SCAPER: variants seen among roughly 807,000 people sequenced by gnomAD.
SCAPER encodes the protein S-phase cyclin A associated protein in the ER, also known as S phase cyclin A-associated protein in the endoplasmic reticulum.
In SCAPER, 98 loss-of-function variants were observed where a neutral mutation model predicts 182.2. The observed-to-expected ratio is 0.54, with a 90% CI of 0.46 to 0.64. The LOEUF (loss-of-function observed/expected upper bound fraction) is 0.64, where lower values mean the gene tolerates loss of function less well. Among genes scored for constraint, SCAPER ranks in the 30% least tolerant of loss-of-function variants. The pLI is 0.00. For synonymous variants in SCAPER, 605 were observed against 564.6 expected, an observed-to-expected ratio of 1.07 and a Z score of -1.01; for missense variants, 1,432 against 1,690.0, an observed-to-expected ratio of 0.85 and a Z score of 2.68.
chr15:76,826,824 G>C, intron 5 of SCAPER, among the ~76,000 whole-genome samples: 1 of 152,136 alleles, frequency 6.6e-6, no homozygotes, highest in Non-Finnish European at 1.5e-5. Flanking sequence ...TGTGTTTCCA[G>C]TCCTTAGCTC....
chr15:76,409,253 A>C (rs2957559), intron 26 of SCAPER, among the ~76,000 whole-genome samples: 7,010 of 152,274 alleles, frequency 0.046, 349 homozygotes, highest in African/African-American at 0.13. Flanking sequence ...TATCTTTTGC[A>C]TTGTAACTGT....
chr15:76,903,195 C>T (rs2074895498), intron 1 of SCAPER, among the ~76,000 whole-genome samples: 1 of 152,112 alleles, frequency 6.6e-6, no homozygotes, highest in African/African-American at 2.4e-5. Context: ...TCTTAAAATA[C>T]CTATGAAGCA....
intron 22 of SCAPER, among the ~76,000 whole-genome samples, chr15:76,596,280 C>A (rs2049486017): frequency 9.8e-6 from 1 of 101,624 alleles, no homozygotes. Flanking sequence ...CTGAACAGAC[C>A]AATAAGAAGT....
chr15:76,679,247 T>C (rs76968909), intron 20 of SCAPER, among the ~76,000 whole-genome samples: 148 of 152,272 alleles, frequency 9.7e-4, no homozygotes, highest in African/African-American at 3.3e-3. Context: ...ATGACATCTT[T>C]TACCTATGTT....
intron 21 of SCAPER, among the ~76,000 whole-genome samples, chr15:76,622,385 A>G (rs1478237942): frequency 6.6e-6 from 1 of 152,138 alleles, no homozygotes; most frequent in East Asian, 1.9e-4. Context: ...ATTACCCACA[A>G]TGTAAAACAA....
At chr15:76,634,881 T>C (rs541773920) in intron 21 of SCAPER, among the ~76,000 whole-genome samples, 23 of 151,986 alleles carry the variant, frequency 1.5e-4, no homozygotes, top group African/African-American at 3.9e-4. Context: ...GTATTATTTA[T>C]GATACTGTAA....
chr15:76,750,486 C>A (rs2062027057), intron 15 of SCAPER, among the ~76,000 whole-genome samples: 1 of 151,800 alleles, frequency 6.6e-6, no homozygotes, highest in Admixed American at 6.6e-5. Flanking sequence ...AAGGAAAAAA[C>A]TATAGACCAA....
At chr15:76,852,942 A>AT (rs2070908516) in intron 4 of SCAPER, among the ~76,000 whole-genome samples, 1 of 152,198 alleles carries the variant, frequency 6.6e-6, no homozygotes, top group Non-Finnish European at 1.5e-5. Context: ...CACTAGCTGG[A>AT]CTAATAAAGA....
chr15:76,521,431 C>G (rs1385392053), intron 23 of SCAPER, among the ~76,000 whole-genome samples: 1 of 151,664 alleles, frequency 6.6e-6, no homozygotes, highest in African/African-American at 2.4e-5. Context: ...GACTGTAATC[C>G]CAGCACTTTG....
intron 25 of SCAPER, among the ~76,000 whole-genome samples, chr15:76,460,086 G>C (rs566882576): frequency 1.3e-5 from 2 of 151,988 alleles, no homozygotes; most frequent in African/African-American, 4.8e-5. Context: ...TGTAATATAT[G>C]ATTTTTTTTC....
At chr15:76,436,363 C>G (rs1338450252) in intron 25 of SCAPER, among the ~76,000 whole-genome samples, 6 of 152,128 alleles carry the variant, frequency 3.9e-5, no homozygotes, top group Admixed American at 1.3e-4. Flanking sequence ...CCACTGCAGC[C>G]GGCCTTCTGA....
chr15:76,646,207 C>T (rs2054531448), intron 21 of SCAPER, among the ~76,000 whole-genome samples: 1 of 152,142 alleles, frequency 6.6e-6, no homozygotes. Flanking sequence ...TATCTGCAGG[C>T]TCCGCACGTG....
intron 22 of SCAPER, among the ~76,000 whole-genome samples, chr15:76,620,232 CT>C: frequency 6.6e-6 from 1 of 152,146 alleles, no homozygotes; most frequent in East Asian, 1.9e-4. Flanking sequence ...AAGTTACCCT[CT>C]CTAGAGCTTA....
chr15:76,441,310 C>A (rs1266613658), intron 25 of SCAPER, among the ~76,000 whole-genome samples: 1 of 152,176 alleles, frequency 6.6e-6, no homozygotes, highest in Non-Finnish European at 1.5e-5. Context: ...CCCTTTCTAA[C>A]ATATTTATGC....
intron 23 of SCAPER, among the ~76,000 whole-genome samples, chr15:76,530,815 G>A (rs2043593323): frequency 6.6e-6 from 1 of 152,064 alleles, no homozygotes; most frequent in South Asian, 2.1e-4. Flanking sequence ...GAGAGACAGA[G>A]GGAGGGAAGT....
chr15:76,686,232 T>C (rs769305884), intron 20 of SCAPER, among the ~76,000 whole-genome samples: 11 of 151,720 alleles, frequency 7.3e-5, no homozygotes, highest in Non-Finnish European at 1.5e-4. Context: ...AACAACCCAA[T>C]AGAACTCAAC....
intron 23 of SCAPER, among the ~76,000 whole-genome samples, chr15:76,548,388 CATTTTCGGCG>C (rs2045472534): frequency 6.6e-6 from 1 of 152,108 alleles, no homozygotes; most frequent in African/African-American, 2.4e-5. Flanking sequence ...TAGGATTTGA[CATTTTCGGCG>C]ATTAGGAATT....
intron 26 of SCAPER, among the ~76,000 whole-genome samples, chr15:76,430,638 T>C (rs1203374093): frequency 6.6e-6 from 1 of 152,256 alleles, no homozygotes; most frequent in Non-Finnish European, 1.5e-5. Flanking sequence ...TGGGTATATT[T>C]GCCCAATGCC....
At chr15:76,634,707 G>A (rs889776764) in intron 21 of SCAPER, among the ~76,000 whole-genome samples, 1 of 152,076 alleles carries the variant, frequency 6.6e-6, no homozygotes, top group Non-Finnish European at 1.5e-5. Context: ...AGATGCCATT[G>A]CCAAATGTAA....
Sources: allele counts gnomAD v4.1 joint callset (sites outside exome capture counted in the v4.1 genomes callset), GRCh38; gene constraint gnomAD v4.1.1; transcripts MANE v1.5; gene names NCBI Gene and HGNC (gene_info 2026-07-23, HGNC 2026-07-21).